FSCN1: variants seen among roughly 807,000 people sequenced by gnomAD.
FSCN1 encodes fascin.
Under a neutral mutation model 39.7 loss-of-function variants are expected in FSCN1, and 10 were observed. The ratio of observed to expected loss-of-function variants is 0.25; its 90% CI spans 0.16 to 0.43. FSCN1 has a LOEUF of 0.43. FSCN1 is among the 20% of genes least tolerant of loss of function. FSCN1 has a pLI of 1.00. For synonymous variants in FSCN1, 322 were observed against 320.0 expected, an observed-to-expected ratio of 1.01 and a Z score of -0.07; for missense variants, 525 against 723.8, an observed-to-expected ratio of 0.73 and a Z score of 3.15.
At chr7:5,598,859 TG>T in intron 1 of FSCN1, among the ~76,000 whole-genome samples, 1 of 152,360 alleles carries the variant, frequency 6.6e-6, no homozygotes, top group Middle Eastern at 3.4e-3. Context: ...GGTGGTGCTC[TG>T]TGGCCGGCAC....
intron 1 of FSCN1, among the ~76,000 whole-genome samples, chr7:5,598,094 T>G (rs852481): frequency 0.31 from 47,422 of 152,074 alleles, 10,383 homozygotes; most frequent in African/African-American, 0.63. Flanking sequence ...TGCTGGGGTG[T>G]GGCCTGATGT....
In FSCN1 at chr7:5,605,413, A is replaced by C; in HGVS notation, c.1421A>C (p.His474Pro). 2 of 1,612,532 alleles carry C rather than the reference A, an allele frequency of 1.2e-6. No individual in the cohort carries two copies. The highest frequency in any genetic ancestry group is 1.7e-6 in the Non-Finnish European group (2 of 1,179,408). Residue 474 changes from histidine to proline, a missense_variant, in exon 5 of 5, where the codon CAC becomes CCC. His to Pro is a moderately conservative substitution (Grantham distance 77). Around this residue, in one of 3 missense-constraint regions of FSCN1, gnomAD observed 275 missense variants for 351.9 expected, o/e 0.78. Transcript: ENST00000382361. The surrounding 1 kb of genome is among the most constrained non-coding windows in gnomAD (Gnocchi z 6.9). ...GGCGGGCGCTACCTGAAGGGCGACC[A>C]CGCAGGCGTCCTGAAGGCCTCGGCG... ...KVGGRYLKGD[H>P]AGVLKASAET...
At chr7:5,601,029 T>G (rs1029897258) in intron 1 of FSCN1, among the ~76,000 whole-genome samples, 10 of 132,328 alleles carry the variant, frequency 7.6e-5, no homozygotes, top group Admixed American at 7.1e-4. Flanking sequence ...GACCTCATGA[T>G]CCGCCCGCCT....
intron 1 of FSCN1, among the ~76,000 whole-genome samples, chr7:5,598,568 T>C (rs1785771326): frequency 6.6e-6 from 1 of 152,226 alleles, no homozygotes; most frequent in African/African-American, 2.4e-5. Flanking sequence ...AGCGCCCTGC[T>C]TATTTGCAAG....
At chr7:5,596,913 C>G (rs1366707222) in intron 1 of FSCN1, among the ~76,000 whole-genome samples, 1 of 152,182 alleles carries the variant, frequency 6.6e-6, no homozygotes, top group African/African-American at 2.4e-5. Context: ...TTCCAGGCCC[C>G]CTCCCCTAAA....
At chr7:5,594,055 C>T in intron 1 of FSCN1, 2 of 411,338 alleles carry the variant, frequency 4.9e-6, no homozygotes, top group Non-Finnish European at 8.7e-6. Context: ...ACCCCCCCCC[C>T]CGCCCAATCT....
intron 4 of FSCN1, among the ~76,000 whole-genome samples, chr7:5,604,678 C>T (rs1785900329): frequency 1.3e-5 from 2 of 148,244 alleles, no homozygotes. Flanking sequence ...TTTTGAGACC[C>T]AGTCTGGAGT....
chr7:5,604,845 C>T (rs960234460), intron 4 of FSCN1, among the ~76,000 whole-genome samples: 1 of 152,162 alleles, frequency 6.6e-6, no homozygotes, highest in Non-Finnish European at 1.5e-5. Context: ...CCATGTTGTC[C>T]AGGCTGGTCT....
intron 1 of FSCN1, among the ~76,000 whole-genome samples, chr7:5,602,134 G>A (rs1002209355): frequency 1.8e-4 from 27 of 151,672 alleles, no homozygotes; most frequent in Non-Finnish European, 3.2e-4. Flanking sequence ...TCAAACTCCC[G>A]ACCTCGGGTG....
In FSCN1 at chr7:5,593,265, G is replaced by T. The variant is rs1368537769; in HGVS notation, c.329G>T (p.Arg110Leu). 2.5e-6 allele frequency: 4 copies of T among 1,609,318 alleles called. No individual in the cohort carries two copies. The highest frequency in any genetic ancestry group is 3.4e-6 in the Non-Finnish European group (4 of 1,178,948). Residue 110 changes from arginine to leucine, a missense_variant, in exon 1 of 5, where the codon CGC becomes CTC. By Grantham distance (102) the Arg-to-Leu change is moderately radical. Transcript: ENST00000382361. ...TCGCTGCAGTCCGAGGCGCACCGGC[G>T]CTACTTCGGCGGCACCGAGGACCGC... The part of the protein sequence containing the change: ...RWSLQSEAHR[R>L]YFGGTEDRLS...
intron 1 of FSCN1, among the ~76,000 whole-genome samples, chr7:5,595,089 A>C (rs1341713832): frequency 6.6e-6 from 1 of 152,180 alleles, no homozygotes; most frequent in African/African-American, 2.4e-5. Flanking sequence ...GTCGGACCCC[A>C]GGCCTTGGAG....
intron 1 of FSCN1, among the ~76,000 whole-genome samples, chr7:5,601,112 C>T (rs572461336): frequency 1.3e-5 from 2 of 149,906 alleles, no homozygotes; most frequent in South Asian, 4.2e-4. Flanking sequence ...TTTTTAGGGA[C>T]ATGGAATCAT....
chr7:5,593,405 G>T lies in FSCN1; in HGVS notation c.469G>T (p.Ala157Ser). The T allele has an allele frequency of 6.2e-7, 1 of 1,612,246 alleles. No individual in the cohort carries two copies. Among genetic ancestry groups the T allele is most frequent in the South Asian group, 1.1e-5 (1 of 91,050 alleles). The change falls in exon 1 of 5, where the codon GCG (alanine) becomes TCG (serine). Residue 157 changes from alanine (A) to serine (S), a missense_variant. By Grantham distance (99) the Ala-to-Ser change is moderately conservative (BLOSUM62 1). Transcript: ENST00000382361. ...VTRKRYAHLS[A>S]RPADEIAVDR... is the part of the protein sequence containing the mutation. ...CCGTAAGCGCTACGCGCACCTGAGC[G>T]CGCGGCCGGCCGACGAGATCGCCGT...
At chr7:5,600,897 G>A (rs1167102107) in intron 1 of FSCN1, among the ~76,000 whole-genome samples, 5 of 150,838 alleles carry the variant, frequency 3.3e-5, no homozygotes, top group African/African-American at 9.8e-5. Context: ...CTCGTGATCC[G>A]CCTGCCTCGG....
chr7:5,605,000 T>C (rs1488682573), intron 4 of FSCN1, among the ~76,000 whole-genome samples: 2 of 152,122 alleles, frequency 1.3e-5, no homozygotes, highest in African/African-American at 4.8e-5. Context: ...CTCGAACTCC[T>C]GACCTCAAGT....
Position 5,602,094 on chromosome 7 carries a change from C to T in FSCN1, c.833-1163C>T, listed in dbSNP as rs931533931. Among the ~76,000 whole-genome samples the T allele has an allele frequency of 4.6e-5, 7 of 151,714 alleles. 1 individual carries two copies. In the East Asian group the frequency reaches 7.7e-4, roughly 17 times the overall value. On this transcript the variant is annotated intron_variant, in intron 1 of 4. Transcript: ENST00000382361. ...GGCAATTTTGTATTTTTAGTAGAGA[C>T]GGGGTGACTCCATGTTGGTCAGGCT...
intron 1 of FSCN1, among the ~76,000 whole-genome samples, chr7:5,602,201 T>A (rs541751250): frequency 0.14 from 20,974 of 147,278 alleles, 1,479 homozygotes; most frequent in South Asian, 0.17. Context: ...CCACTGTGCC[T>A]GGCCCCTTTT....
chr7:5,594,048 C>CA (rs1350477422), intron 1 of FSCN1: 3 of 397,682 alleles, frequency 7.5e-6, no homozygotes, highest in Non-Finnish European at 1.3e-5. Flanking sequence ...CCTCCTAACC[C>CA]CCCCCCCCGC....
chr7:5,603,122 C>T lies in FSCN1; in HGVS notation c.833-135C>T. ...GCTCTCTGCTGCTTCTCATGTGTGC[C>T]ACTGTGGGGACTCGGCCGCCCACCC... On this transcript the variant is annotated intron_variant, in intron 1 of 4. Coordinates refer to ENST00000382361, the MANE Select transcript of FSCN1 (RefSeq NM_003088.4). This position sits in a 1 kb window ranked among gnomAD's most constrained non-coding sequence, Gnocchi z 8.5. 1.1e-6 allele frequency: 1 copy of T among 915,890 alleles called. No homozygotes were observed. Among genetic ancestry groups the T allele is most frequent in the Non-Finnish European group, 1.7e-6 (1 of 590,148 alleles). The allele number at this position is 915,890 out of a possible 1,614,324, so 56.7% of individuals were successfully genotyped here.
Sources: allele counts gnomAD v4.1 joint callset (sites outside exome capture counted in the v4.1 genomes callset), GRCh38; gene constraint gnomAD v4.1.1; regional missense constraint gnomAD v4.1.1; non-coding constraint Gnocchi (gnomAD v3.1); transcripts MANE v1.5; gene names NCBI Gene and HGNC (gene_info 2026-07-23, HGNC 2026-07-21).